Variants in ANO3 observed in about 807,000 individuals in gnomAD.
ANO3 encodes anoctamin 3, also known as anoctamin-3.
In ANO3, 99 loss-of-function variants were observed where a neutral mutation model predicts 144.8. The observed-to-expected ratio is 0.68, with a 90% CI of 0.58 to 0.81. The LOEUF (loss-of-function observed/expected upper bound fraction) is 0.81. ANO3 is among the 30% of genes least tolerant of loss of function. The pLI is 0.00. For synonymous variants in ANO3, 414 were observed against 392.6 expected (o/e 1.05, Z -0.64); for missense variants, 905 against 1,202.2 (o/e 0.75, Z 3.66).
At chr11:26,350,347 T>C (rs1051700419) in intron 1 of ANO3, among the ~76,000 whole-genome samples, 2 of 152,172 alleles carry the variant, frequency 1.3e-5, no homozygotes, top group African/African-American at 4.8e-5. Context: ...TCACCAAGTC[T>C]AAAGAGGCTG....
intron 18 of ANO3, among the ~76,000 whole-genome samples, chr11:26,627,054 T>G (rs1184481340): frequency 1.3e-5 from 2 of 152,116 alleles, no homozygotes; most frequent in Non-Finnish European, 2.9e-5. Context: ...CACCATAACT[T>G]ACTACATTAT....
chr11:26,247,435 C>G (rs937477959), intron 1 of ANO3, among the ~76,000 whole-genome samples: 1 of 152,092 alleles, frequency 6.6e-6, no homozygotes, highest in African/African-American at 2.4e-5. Flanking sequence ...TTTCACCAAG[C>G]TATCTGTGTA....
chr11:26,234,427 T>C (rs1033229965), intron 1 of ANO3, among the ~76,000 whole-genome samples: 2 of 152,314 alleles, frequency 1.3e-5, no homozygotes, highest in East Asian at 3.9e-4. Context: ...TACCTTGATA[T>C]GGTGACAGCC....
chr11:26,606,142 G>T (rs1354075029), intron 17 of ANO3, among the ~76,000 whole-genome samples: 2 of 151,980 alleles, frequency 1.3e-5, no homozygotes, highest in Non-Finnish European at 2.9e-5. Context: ...TTGTGTCTTT[G>T]TTCTCACTGG....
At position 26,193,406 on chromosome 11, in the gene ANO3, C is replaced by G. The variant is rs1476485896; in HGVS notation, c.154+4076C>G. Among the ~76,000 whole-genome samples the G allele has an allele frequency of 2.6e-5, 4 of 152,232 alleles. No homozygotes were observed. In the East Asian group the frequency reaches 7.7e-4, roughly 29 times the overall value. ...CCACCCGCCTCAGCCTCCCAAAGTG[C>G]TGGGATTACAGGCGTCAGCCACCAC... is the stretch of plus-strand genomic sequence containing the variant. On this transcript the variant is annotated intron_variant, in intron 1 of 27. Transcript: ENST00000672621.
intron 9 of ANO3, among the ~76,000 whole-genome samples, chr11:26,535,458 A>G (rs1415134853): frequency 6.6e-6 from 1 of 152,138 alleles, no homozygotes; most frequent in African/African-American, 2.4e-5. Context: ...GTCATATCCT[A>G]AAAGCCTTGA....
chr11:26,515,137 T>C (rs1477592978), intron 5 of ANO3, among the ~76,000 whole-genome samples: 1 of 152,104 alleles, frequency 6.6e-6, no homozygotes, highest in Non-Finnish European at 1.5e-5. Flanking sequence ...TTGTCAATTT[T>C]CATTTTAATA....
intron 3 of ANO3, among the ~76,000 whole-genome samples, chr11:26,457,471 T>C (rs989835578): frequency 6.6e-6 from 1 of 152,046 alleles, no homozygotes; most frequent in Non-Finnish European, 1.5e-5. Flanking sequence ...AAATTACTTA[T>C]TTTTTTGTAG....
Position 26,404,851 on chromosome 11 carries a change from A to G in ANO3, c.47-37067A>G, listed in dbSNP as rs1295055446. Reference sequence around the variant, plus strand: ...TAAAATCCATGGCTTGTACAGTGGAATTAAGTTTTCAAGATTACATTACTA... The same window carrying G: ...TAAAATCCATGGCTTGTACAGTGGAGTTAAGTTTTCAAGATTACATTACTA... On this transcript the variant is annotated intron_variant, in intron 1 of 26. Transcript: ENST00000256737. Among the ~76,000 whole-genome samples, 3 of 151,654 alleles carry G rather than the reference A, an allele frequency of 2.0e-5. 1 individual carries two copies. Among genetic ancestry groups the G allele is most frequent in the Non-Finnish European group, 3.0e-5 (2 of 67,792 alleles).
intron 1 of ANO3, among the ~76,000 whole-genome samples, chr11:26,409,451 C>T (rs1009339999): frequency 3.8e-4 from 12 of 31,428 alleles, no homozygotes; most frequent in African/African-American, 1.1e-3. Flanking sequence ...CTGAAGAATG[C>T]ACATGAAATT....
intron 17 of ANO3, among the ~76,000 whole-genome samples, chr11:26,623,711 A>G (rs1852489273): frequency 6.6e-6 from 1 of 152,100 alleles, no homozygotes; most frequent in South Asian, 2.1e-4. Context: ...GGCAGAATTC[A>G]AACTTTCACT....
At chr11:26,417,590 A>T (rs766638095) in intron 1 of ANO3, among the ~76,000 whole-genome samples, 60 of 152,246 alleles carry the variant, frequency 3.9e-4, no homozygotes, top group Non-Finnish European at 6.9e-4. Context: ...GAGGCACATC[A>T]TAGGAAGAGT....
chr11:26,415,719 G>A (rs1031035813), intron 1 of ANO3, among the ~76,000 whole-genome samples: 3 of 152,036 alleles, frequency 2.0e-5, no homozygotes, highest in African/African-American at 7.2e-5. Context: ...GTGACTTCTT[G>A]AAAACCAAGG....
intron 10 of ANO3, among the ~76,000 whole-genome samples, chr11:26,541,344 A>C (rs453947): frequency 2.0e-5 from 3 of 151,924 alleles, no homozygotes; most frequent in Non-Finnish European, 4.4e-5. Flanking sequence ...TACCTAATGC[A>C]GATGACAGAT....
At chr11:26,573,111 A>G (rs1336060209) in intron 14 of ANO3, among the ~76,000 whole-genome samples, 1 of 152,142 alleles carries the variant, frequency 6.6e-6, no homozygotes, top group African/African-American at 2.4e-5. Flanking sequence ...TGAGGTTCAT[A>G]CTTGGTTTCT....
chr11:26,492,947 C>T (rs1860768753), intron 4 of ANO3, among the ~76,000 whole-genome samples: 1 of 152,188 alleles, frequency 6.6e-6, no homozygotes, highest in African/African-American at 2.4e-5. Context: ...TACTAGGCTG[C>T]ACTGTTTCCC....
At chr11:26,385,893 G>GTTTATATATATA (rs1183332896) in intron 1 of ANO3, among the ~76,000 whole-genome samples, 40 of 143,772 alleles carry the variant, frequency 2.8e-4, no homozygotes, top group South Asian at 8.5e-4. Flanking sequence ...CTTTGTGTGT[G>GTTTATATATATA]TATATATATT....
At chr11:26,572,151 C>T (rs528504400) in intron 14 of ANO3, 3 of 985,194 alleles carry the variant, frequency 3.0e-6, no homozygotes, top group Admixed American at 6.2e-5. Context: ...GTGACAATGT[C>T]GCACTGAGCA....
chr11:26,472,134 C>T (rs776271731), intron 4 of ANO3, among the ~76,000 whole-genome samples: 94 of 152,034 alleles, frequency 6.2e-4, no homozygotes, highest in Middle Eastern at 3.4e-3. Flanking sequence ...CAATCACAGG[C>T]TCAAATCAAA....
Sources: gnomAD v4.1 joint callset for allele counts (sites outside exome capture counted in the v4.1 genomes callset) on GRCh38, gnomAD v4.1.1 for gene constraint, MANE v1.5 for transcripts, NCBI Gene and HGNC (gene_info 2026-07-23, HGNC 2026-07-21) for gene names.